TMPRSS13: variants seen among roughly 807,000 people sequenced by gnomAD.
The protein encoded by TMPRSS13 is transmembrane serine protease 13, also known as transmembrane protease serine 13.
Under a neutral mutation model 68.4 loss-of-function variants are expected in TMPRSS13, and 50 were observed. The observed-to-expected ratio is 0.73, with a 90% confidence interval of 0.58 to 0.93. The LOEUF (loss-of-function observed/expected upper bound fraction) is 0.93, where lower values mean the gene tolerates loss of function less well. Ranked by LOEUF, TMPRSS13 falls within the 40% of genes least tolerant of loss-of-function variation. The pLI is 0.00. For synonymous variants in TMPRSS13, 267 were observed against 285.8 expected (o/e 0.93, Z 0.66); for missense variants, 615 against 729.2 (o/e 0.84, Z 1.80).
rs565855507 is a variant in TMPRSS13 at position 117,923,241 on chromosome 11, G to A, written c.22-4403C>T. Among the ~76,000 whole-genome samples the A allele has an allele frequency of 7.2e-5, 11 of 152,328 alleles. No individual in the cohort carries two copies. The South Asian group carries it at 2.3e-3, about 32-fold the overall frequency. Reference sequence around the variant, plus strand: ...CCCAAGGCCCCCCACTTCCAGCCCAGGGGTCTCGACACCACAGCTCCCAGG... The same window carrying A: ...CCCAAGGCCCCCCACTTCCAGCCCAAGGGTCTCGACACCACAGCTCCCAGG... On this transcript the variant is annotated intron_variant, in intron 1 of 12. Transcript: ENST00000524993.
chr11:117,906,275 A>G (rs1362357786), intron 9 of TMPRSS13, among the ~76,000 whole-genome samples: 2 of 152,226 alleles, frequency 1.3e-5, no homozygotes, highest in African/African-American at 4.8e-5. Context: ...CAGGAAACAC[A>G]TTCCTAGAGA....
At chr11:117,925,860 A>G (rs2057700319) in intron 1 of TMPRSS13, among the ~76,000 whole-genome samples, 1 of 152,222 alleles carries the variant, frequency 6.6e-6, no homozygotes, top group Non-Finnish European at 1.5e-5. Context: ...CCCAATACAC[A>G]CACTCCCGCA....
intron 8 of TMPRSS13, 79 bp downstream of exon 8, chr11:117,909,727 G>T: frequency 1.3e-6 from 2 of 1,508,058 alleles, no homozygotes; most frequent in Non-Finnish European, 1.8e-6. Flanking sequence ...CCTCCACGAA[G>T]AAGTCAGTCT....
intron 9 of TMPRSS13, 200 bp downstream of exon 9, chr11:117,908,412 A>G (rs1367326436): frequency 1.6e-6 from 1 of 641,574 alleles, no homozygotes; most frequent in Non-Finnish European, 2.7e-6. Context: ...TTTGGAGCAA[A>G]CTTATTTATA....
rs1362213050 is a variant in TMPRSS13 at position 117,903,642 on chromosome 11, G to A, written c.1677+13C>T. 3 of 1,614,024 alleles carry A rather than the reference G, an allele frequency of 1.9e-6. No homozygotes were observed. The highest frequency in any genetic ancestry group is 1.1e-5 in the South Asian group (1 of 91,054). On this transcript the variant is annotated intron_variant, in intron 12 of 12. Transcript: ENST00000524993. ...AGCCTGCTGGGTGCAGTGTCCTGCT[G>A]CAGGGATCTTACCTCCATCTTGCTG...
At chr11:117,909,710 G>A in intron 8 of TMPRSS13, 96 bp downstream of exon 8, 1 of 1,443,846 alleles carries the variant, frequency 6.9e-7, no homozygotes, top group East Asian at 2.5e-5. Context: ...CTCACACCCA[G>A]AATCCTCCTC....
At chr11:117,927,404 G>C (rs556987689) in intron 1 of TMPRSS13, among the ~76,000 whole-genome samples, 1 of 152,236 alleles carries the variant, frequency 6.6e-6, no homozygotes, top group East Asian at 1.9e-4. Flanking sequence ...GAAGTGGCTT[G>C]CCCAAAGCTG....
chr11:117,927,159 G>A (rs1355860206), intron 1 of TMPRSS13, among the ~76,000 whole-genome samples: 4 of 152,182 alleles, frequency 2.6e-5, no homozygotes, highest in African/African-American at 9.7e-5. Context: ...GGCTATTTCT[G>A]TACCTCACTT....
At position 117,915,414 on chromosome 11, in the gene TMPRSS13, G is replaced by A. The variant is rs2057567830; in HGVS notation, c.557-900C>T. ...ATCACCCAGGGTAAAGGCCGCCCGG[G>A]TGTGACTGCTCCTTCCAGGTCCAGA... On this transcript the variant is annotated intron_variant, in intron 3 of 12. Transcript: ENST00000524993. The surrounding 1 kb of genome is among the most constrained non-coding windows in gnomAD (Gnocchi z 4.9). 1.3e-5 allele frequency among the ~76,000 whole-genome samples: 2 copies of A among 152,216 alleles called. No homozygotes were observed. Among genetic ancestry groups the A allele is most frequent in the African/African-American group, 4.8e-5 (2 of 41,460 alleles).
chr11:117,919,320 A>AG (rs2057619337), intron 1 of TMPRSS13, among the ~76,000 whole-genome samples: 1 of 152,240 alleles, frequency 6.6e-6, no homozygotes, highest in Non-Finnish European at 1.5e-5. Context: ...TGTTCTTACT[A>AG]TGAGCTGTAA....
chr11:117,918,014 G>A (rs1486221998), intron 2 of TMPRSS13, among the ~76,000 whole-genome samples: 1 of 152,116 alleles, frequency 6.6e-6, no homozygotes, highest in Non-Finnish European at 1.5e-5. Context: ...CCACAGATGG[G>A]CCCACTGATC....
intron 1 of TMPRSS13, among the ~76,000 whole-genome samples, chr11:117,919,391 A>G (rs1176780119): frequency 1.3e-5 from 2 of 152,266 alleles, no homozygotes; most frequent in Non-Finnish European, 2.9e-5. Flanking sequence ...GCTGAGTGCC[A>G]TTGTGAGCTC....
chr11:117,913,887 C>T lies in TMPRSS13; in HGVS notation c.699G>A (p.Lys233=), dbSNP rs776556401. The change falls in exon 5 of 13, where the codon AAG becomes AAA. Residue 233 remains lysine, a synonymous_variant. Transcript: ENST00000524993. ...ACCCAGAGTAGATTTTAAGCAGAGA[C>T]TTGTCCCAGTCAAACCTCACTGCAG... ...ELGCVRFDWD[K]SLLKIYSGSS... 4.3e-6 allele frequency: 7 copies of T among 1,613,840 alleles called. No homozygotes were observed. In the East Asian group the frequency reaches 1.1e-4, roughly 26 times the overall value.
In TMPRSS13 at chr11:117,914,974, G is replaced by C. The variant is rs998683032; in HGVS notation, c.557-460C>G. Among the ~76,000 whole-genome samples, 1 of 152,154 alleles carries C rather than the reference G, an allele frequency of 6.6e-6. No individual in the cohort carries two copies. Among genetic ancestry groups the C allele is most frequent in the African/African-American group, 2.4e-5 (1 of 41,432 alleles). On this transcript the variant is annotated intron_variant, in intron 3 of 12. Coordinates refer to ENST00000524993, the MANE Select transcript of TMPRSS13 (RefSeq NM_001077263.3). The surrounding 1 kb of genome is among the most constrained non-coding windows in gnomAD (Gnocchi z 4.2). ...ACAGTCACACAGGCAACCACCGTCT[G>C]TCTGTTCTCAAAGGCGACCATCCTT...
chr11:117,908,422 A>G, intron 9 of TMPRSS13, 190 bp downstream of exon 9: 1 of 657,758 alleles, frequency 1.5e-6, no homozygotes, highest in South Asian at 1.9e-5. Flanking sequence ...ACTTATTTAT[A>G]ACCCTTGGGC....
rs1389473089 is a variant in TMPRSS13, at chr11:117,922,470, C to A, written c.22-3632G>T. 6.6e-6 allele frequency among the ~76,000 whole-genome samples: 1 copy of A among 152,172 alleles called. No individual in the cohort carries two copies. The highest frequency in any genetic ancestry group is 1.5e-5 in the Non-Finnish European group (1 of 68,028). On this transcript the variant is annotated intron_variant, in intron 1 of 12. Coordinates refer to ENST00000524993, the MANE Select transcript of TMPRSS13 (RefSeq NM_001077263.3). The surrounding 1 kb of genome is among the most constrained non-coding windows in gnomAD (Gnocchi z 4.2). ...GGATGGTCTCGATCTCTTGATCTTGCGCCCGCCTCAGCCTCCCAAAGTGCT... is the reference window on the plus strand; with the variant it reads ...GGATGGTCTCGATCTCTTGATCTTGAGCCCGCCTCAGCCTCCCAAAGTGCT...
intron 3 of TMPRSS13, among the ~76,000 whole-genome samples, chr11:117,916,707 C>T (rs1435104822): frequency 6.6e-6 from 1 of 152,142 alleles, no homozygotes; most frequent in Admixed American, 6.5e-5. Context: ...AGACTTTTTC[C>T]AATCAGTGTT....
chr11:117,925,027 C>T (rs78053944), intron 1 of TMPRSS13, among the ~76,000 whole-genome samples: 4,604 of 152,314 alleles, frequency 0.03, 147 homozygotes, highest in East Asian at 0.16. Flanking sequence ...GGGACAGTCA[C>T]ATCCTTCTCT....
chr11:117,923,124 C>T (rs973446803), intron 1 of TMPRSS13, among the ~76,000 whole-genome samples: 2 of 152,292 alleles, frequency 1.3e-5, no homozygotes, highest in African/African-American at 4.8e-5. Flanking sequence ...ATTTTTACTC[C>T]CACTTTACAG....
Sources: gnomAD v4.1 joint callset for allele counts (sites outside exome capture counted in the v4.1 genomes callset) on GRCh38, gnomAD v4.1.1 for gene constraint, Gnocchi (gnomAD v3.1) non-coding constraint, MANE v1.5 for transcripts, NCBI Gene and HGNC (gene_info 2026-07-23, HGNC 2026-07-21) for gene names.